GRM8: variants seen among roughly 807,000 people sequenced by gnomAD.
GRM8 encodes the protein metabotropic glutamate receptor 8.
GRM8 carries 47 observed loss-of-function variants against 87.2 expected under a neutral mutation model. The ratio of observed to expected loss-of-function variants is 0.54; its 90% CI spans 0.43 to 0.69. The LOEUF (loss-of-function observed/expected upper bound fraction) is 0.69. Ranked by LOEUF, GRM8 falls within the 30% of genes least tolerant of loss-of-function variation. GRM8 has a pLI of 0.00. For synonymous variants in GRM8, 396 were observed against 404.5 expected (o/e 0.98, Z 0.25); for missense variants, 1,019 against 1,139.2 (o/e 0.89, Z 1.52).
At chr7:126,789,581 C>A (rs1821047771) in intron 6 of GRM8, among the ~76,000 whole-genome samples, 1 of 152,032 alleles carries the variant, frequency 6.6e-6, no homozygotes, top group Non-Finnish European at 1.5e-5. Context: ...TGACAAATAA[C>A]ACAGGTTTAA....
At chr7:126,758,192 G>A (rs1242760356) in intron 7 of GRM8, among the ~76,000 whole-genome samples, 1 of 152,118 alleles carries the variant, frequency 6.6e-6, no homozygotes, top group Non-Finnish European at 1.5e-5. Context: ...TATATACTGA[G>A]GGTTTATTGT....
At chr7:126,481,392 A>G (rs1007174591) in intron 9 of GRM8, among the ~76,000 whole-genome samples, 4 of 152,114 alleles carry the variant, frequency 2.6e-5, no homozygotes, top group Non-Finnish European at 4.4e-5. Flanking sequence ...TCATAACTTC[A>G]TAATGGAGAA....
At chr7:126,582,579 G>T (rs944630807) in intron 8 of GRM8, among the ~76,000 whole-genome samples, 3 of 152,176 alleles carry the variant, frequency 2.0e-5, no homozygotes, top group Admixed American at 2.0e-4. Flanking sequence ...ATTGGAAGAA[G>T]GGGCCATCTA....
At chr7:126,575,528 T>A (rs1011199696) in intron 8 of GRM8, among the ~76,000 whole-genome samples, 2 of 151,912 alleles carry the variant, frequency 1.3e-5, no homozygotes, top group African/African-American at 2.4e-5. Flanking sequence ...ATGAAACCAG[T>A]CCCTGGTCCC....
intron 6 of GRM8, among the ~76,000 whole-genome samples, chr7:126,863,461 T>C (rs1394668844): frequency 6.6e-6 from 1 of 152,140 alleles, no homozygotes; most frequent in Non-Finnish European, 1.5e-5. Context: ...TGATGATCAG[T>C]AATTTACGAA....
At chr7:127,118,391 C>A (rs1453368976) in intron 2 of GRM8, 2 of 152,198 alleles carry the variant, frequency 1.3e-5, no homozygotes, top group African/African-American at 4.8e-5. Context: ...ATCTCAGTAT[C>A]CAAAGGGCAA....
chr7:126,878,242 T>G (rs1357556281), intron 6 of GRM8, among the ~76,000 whole-genome samples: 1 of 152,190 alleles, frequency 6.6e-6, no homozygotes, highest in Non-Finnish European at 1.5e-5. Flanking sequence ...TCACAAAACT[T>G]GTTGACAGCC....
At chr7:126,449,294 T>TA (rs1244403903) in intron 9 of GRM8, among the ~76,000 whole-genome samples, 1 of 151,806 alleles carries the variant, frequency 6.6e-6, no homozygotes, top group African/African-American at 2.4e-5. Flanking sequence ...ATTGGACAAA[T>TA]ATGGTATCTT....
chr7:126,861,512 A>G (rs1422202383), intron 6 of GRM8, among the ~76,000 whole-genome samples: 3 of 151,966 alleles, frequency 2.0e-5, no homozygotes, highest in Non-Finnish European at 4.4e-5. Context: ...TCCCACCACT[A>G]GTATTTGATA....
chr7:126,579,614 T>C (rs1374749521), intron 8 of GRM8, among the ~76,000 whole-genome samples: 3 of 152,160 alleles, frequency 2.0e-5, no homozygotes, highest in Non-Finnish European at 4.4e-5. Context: ...ATAAAGTTTT[T>C]ATGAGAAGGG....
intron 6 of GRM8, among the ~76,000 whole-genome samples, chr7:126,896,290 A>G (rs1801534115): frequency 6.6e-6 from 1 of 151,842 alleles, no homozygotes; most frequent in Non-Finnish European, 1.5e-5. Flanking sequence ...GATTTCTGCT[A>G]TTTTACTTGC....
intron 6 of GRM8, among the ~76,000 whole-genome samples, chr7:126,849,146 G>T (rs896952025): frequency 4.6e-5 from 7 of 151,984 alleles, no homozygotes; most frequent in Non-Finnish European, 2.9e-5. Context: ...GATGAGATTT[G>T]GATGGGGACA....
chr7:126,561,683 T>A (rs898263336), intron 8 of GRM8, among the ~76,000 whole-genome samples: 17 of 152,018 alleles, frequency 1.1e-4, no homozygotes, highest in Admixed American at 3.3e-4. Context: ...CGTGCAGGTT[T>A]GTTACATATG....
At chr7:126,555,122 A>G (rs2150941468) in intron 8 of GRM8, among the ~76,000 whole-genome samples, 1 of 152,348 alleles carries the variant, frequency 6.6e-6, no homozygotes, top group African/African-American at 2.4e-5. Flanking sequence ...TTAGAACAGA[A>G]ACACCAATAG....
At chr7:127,005,624 C>G (rs192111809) in intron 3 of GRM8, among the ~76,000 whole-genome samples, 2 of 151,830 alleles carry the variant, frequency 1.3e-5, no homozygotes, top group African/African-American at 4.8e-5. Context: ...TTCTCAATCA[C>G]TCCCTTGCAT....
intron 2 of GRM8, among the ~76,000 whole-genome samples, chr7:127,142,953 G>T (rs920494726): frequency 6.6e-6 from 1 of 152,132 alleles, no homozygotes; most frequent in East Asian, 1.9e-4. Flanking sequence ...ACTGTTGAGA[G>T]TAAGGAGATG....
At chr7:126,904,186 T>C (rs1802450825) in intron 4 of GRM8, 60 bp from the exon 5 acceptor site, 2 of 1,396,900 alleles carry the variant, frequency 1.4e-6, no homozygotes, top group Non-Finnish European at 2.0e-6. Flanking sequence ...CAATTATGAA[T>C]ATTACAAGAC....
At chr7:127,170,683 AT>A (rs1352893404) in intron 2 of GRM8, among the ~76,000 whole-genome samples, 11 of 152,236 alleles carry the variant, frequency 7.2e-5, no homozygotes, top group Admixed American at 5.9e-4. Context: ...AAATAATGGC[AT>A]TTGGACCAAC....
At chr7:127,019,242 A>C (rs1325673768) in intron 3 of GRM8, among the ~76,000 whole-genome samples, 1 of 152,128 alleles carries the variant, frequency 6.6e-6, no homozygotes, top group African/African-American at 2.4e-5. Context: ...GAAGCTTTGT[A>C]GCTTTAAACT....
Sources: gnomAD v4.1 joint callset for allele counts (sites outside exome capture counted in the v4.1 genomes callset) on GRCh38, gnomAD v4.1.1 for gene constraint, MANE v1.5 for transcripts, NCBI Gene and HGNC (gene_info 2026-07-23, HGNC 2026-07-21) for gene names.